ZNF787: variants seen among roughly 807,000 people sequenced by gnomAD.
The protein encoded by ZNF787 is zinc finger protein 787.
ZNF787 carries 7 observed loss-of-function variants against 16.9 expected under a neutral mutation model. The ratio of observed to expected loss-of-function variants is 0.42; its 90% CI spans 0.24 to 0.78. The LOEUF (loss-of-function observed/expected upper bound fraction) is 0.78, where lower values mean the gene tolerates loss of function less well. Among genes scored for constraint, ZNF787 ranks in the 30% least tolerant of loss-of-function variants. ZNF787 has a pLI of 0.30. For missense variants in ZNF787, 551 were observed against 589.3 expected (o/e 0.94, Z 0.67); for synonymous variants, 345 against 270.9 (o/e 1.27, Z -2.69).
intron 1 of ZNF787, among the ~76,000 whole-genome samples, chr19:56,104,497 G>A (rs781264626): frequency 1.5e-4 from 22 of 150,298 alleles, no homozygotes; most frequent in Non-Finnish European, 2.8e-4. Context: ...ACGCCGACCC[G>A]TGCCACGCAC....
At chr19:56,093,100 GAC>G (rs1985714165) in intron 2 of ZNF787, among the ~76,000 whole-genome samples, 1 of 150,688 alleles carries the variant, frequency 6.6e-6, no homozygotes, top group Non-Finnish European at 1.5e-5. Flanking sequence ...ATATTCCATA[GAC>G]ACAGGGGATG....
At position 56,095,006 on chromosome 19, in the gene ZNF787, C is replaced by T. The variant is rs544860949; in HGVS notation, c.80-5914G>A. Reference sequence around the variant, plus strand: ...GTGTGTGCCCGTAATCCCAACTACTCGGGAGGTTGAGGCAGGAGAATCACT... The same window carrying T: ...GTGTGTGCCCGTAATCCCAACTACTTGGGAGGTTGAGGCAGGAGAATCACT... On this transcript the variant is annotated intron_variant, in intron 2 of 2. Coordinates refer to ENST00000610935, the MANE Select transcript of ZNF787 (RefSeq NM_001002836.4). Among the ~76,000 whole-genome samples, 107 of 152,184 alleles carry T rather than the reference C, an allele frequency of 7.0e-4. No homozygotes were observed. In the Middle Eastern group the frequency reaches 0.034, roughly 48 times the overall value.
At position 56,099,721 on chromosome 19, in the gene ZNF787, A is replaced by AAG. The variant is rs1986017110; in HGVS notation, c.79+3417_79+3418insCT. ...GTGAGGCTCCGTCTCAAAAAAAAAA[A>AAG]AAAAGAAAAGAGAGAGAGAGAAAGG... is the stretch of plus-strand genomic sequence containing the variant. On this transcript the variant is annotated intron_variant, in intron 2 of 2. Transcript: ENST00000610935. Among the ~76,000 whole-genome samples the AAG allele has an allele frequency of 3.3e-5, 5 of 151,008 alleles. No individual in the cohort carries two copies. The South Asian group carries it at 8.4e-4, about 25-fold the overall frequency.
chr19:56,091,811 G>A (rs1310962379), intron 2 of ZNF787, among the ~76,000 whole-genome samples: 1 of 152,208 alleles, frequency 6.6e-6, no homozygotes, highest in East Asian at 1.9e-4. Flanking sequence ...GTAAGGCCCA[G>A]GAAACCGCGC....
intron 2 of ZNF787, among the ~76,000 whole-genome samples, chr19:56,097,029 GC>G (rs1349824796): frequency 2.0e-5 from 3 of 152,176 alleles, no homozygotes; most frequent in Non-Finnish European, 4.4e-5. Context: ...TCAGCCTAGA[GC>G]CATGGGTCTC....
chr19:56,110,677 A>G (rs1326564177), intron 1 of ZNF787, among the ~76,000 whole-genome samples: 1 of 152,220 alleles, frequency 6.6e-6, no homozygotes, highest in Admixed American at 6.5e-5. Context: ...ACATAACTCA[A>G]TAAAAGCAGG....
At chr19:56,111,735 G>A (rs1209228207) in intron 1 of ZNF787, among the ~76,000 whole-genome samples, 4 of 152,092 alleles carry the variant, frequency 2.6e-5, no homozygotes, top group African/African-American at 4.8e-5. Flanking sequence ...GGGAGGGGCC[G>A]ACACCTACCA....
At chr19:56,092,882 G>A (rs1424772349) in intron 2 of ZNF787, among the ~76,000 whole-genome samples, 25 of 151,626 alleles carry the variant, frequency 1.6e-4, no homozygotes, top group African/African-American at 6.1e-4. Context: ...ACAGGGGATG[G>A]CGTAAGTGGG....
At chr19:56,117,527 G>A (rs185534598) in intron 1 of ZNF787, among the ~76,000 whole-genome samples, 118 of 152,038 alleles carry the variant, frequency 7.8e-4, no homozygotes, top group African/African-American at 2.6e-3. Context: ...CGGAGTGGCT[G>A]GAGCAATGTC....
chr19:56,112,878 T>TGGGGCCCCCCCC (rs2030021420), intron 1 of ZNF787, among the ~76,000 whole-genome samples: 1 of 126,462 alleles, frequency 7.9e-6, no homozygotes, highest in Non-Finnish European at 1.6e-5. Flanking sequence ...GACCAGCCGT[T>TGGGGCCCCCCCC]CCCCCCACCC....
chr19:56,115,863 T>A (rs1396026424), intron 1 of ZNF787, among the ~76,000 whole-genome samples: 2 of 152,212 alleles, frequency 1.3e-5, no homozygotes, highest in African/African-American at 4.8e-5. Flanking sequence ...GATCTTCAGA[T>A]CCTTATGCGA....
chr19:56,092,861 T>TA (rs1985688032), intron 2 of ZNF787, among the ~76,000 whole-genome samples: 1 of 147,674 alleles, frequency 6.8e-6, no homozygotes, highest in Non-Finnish European at 1.5e-5. Flanking sequence ...GGAAGTGGGA[T>TA]CCCCATAGAC....
chr19:56,095,696 G>A (rs890034117), intron 2 of ZNF787, among the ~76,000 whole-genome samples: 4 of 152,200 alleles, frequency 2.6e-5, no homozygotes, highest in African/African-American at 7.2e-5. Context: ...ACTTTACCTG[G>A]TTGCTTAGAG....
intron 1 of ZNF787, 200 bp from the exon 2 acceptor site, chr19:56,103,427 C>T (rs937644654): frequency 2.2e-6 from 1 of 457,050 alleles, no homozygotes; most frequent in African/African-American, 2.0e-5. Flanking sequence ...CCAGCCAAGG[C>T]CTCACACAGC....
intron 1 of ZNF787, among the ~76,000 whole-genome samples, chr19:56,116,882 C>T (rs543857397): frequency 2.0e-4 from 30 of 152,304 alleles, no homozygotes; most frequent in African/African-American, 3.6e-4. Context: ...TCTTATCCAG[C>T]GACAAAAGAT....
intron 2 of ZNF787, among the ~76,000 whole-genome samples, chr19:56,096,237 A>AGAAAAAT (rs1985863968): frequency 1.0e-5 from 1 of 100,238 alleles, no homozygotes; most frequent in Admixed American, 9.1e-5. Context: ...CTAAAAAAAT[A>AGAAAAAT]AAAAAAATAA....
In ZNF787 at chr19:56,087,817, G is replaced by C; in HGVS notation, c.*206C>G. ...AAGGGCGGGCCAGGCTGAGGGGGCA[G>C]AGTCTCGAGGCGGAGAAGTGAACGG... On this transcript the variant is annotated 3_prime_UTR_variant, in exon 3 of 3. Transcript: ENST00000610935. The C allele has an allele frequency of 1.3e-6, 1 of 785,158 alleles. No homozygotes were observed. Among genetic ancestry groups the C allele is most frequent in the Non-Finnish European group, 1.7e-6 (1 of 586,106 alleles). The allele number at this position is 785,158 out of a possible 1,614,324, so 48.6% of individuals were successfully genotyped here. A position where few individuals can be genotyped will look rare whatever the true frequency, so the allele number is the denominator to read the frequency against.
intron 2 of ZNF787, chr19:56,102,865 G>A: frequency 1.4e-6 from 1 of 702,514 alleles, no homozygotes; most frequent in Non-Finnish European, 2.6e-6. Context: ...GCCCAGGCTG[G>A]AGGGGCAAGG....
chr19:56,116,651 A>T (rs1233593162), intron 1 of ZNF787, among the ~76,000 whole-genome samples: 1 of 151,718 alleles, frequency 6.6e-6, no homozygotes, highest in Non-Finnish European at 1.5e-5. Flanking sequence ...ACACCTGCGG[A>T]CCACCTTACA....
Sources: gnomAD v4.1 joint callset for allele counts (sites outside exome capture counted in the v4.1 genomes callset) on GRCh38, gnomAD v4.1.1 for gene constraint, MANE v1.5 for transcripts, NCBI Gene and HGNC (gene_info 2026-07-23, HGNC 2026-07-21) for gene names.